RTKN: variants seen among roughly 807,000 people sequenced by gnomAD.
The protein encoded by RTKN is rhotekin.
In RTKN, 49 loss-of-function variants were observed where a neutral mutation model predicts 63.5. The ratio of observed to expected loss-of-function variants is 0.77; its 90% confidence interval spans 0.61 to 0.98. RTKN has a LOEUF of 0.98. RTKN is among the 50% of genes least tolerant of loss of function. The probability of loss-of-function intolerance (pLI) is 0.00; values close to 1 mark genes in which losing one functional copy is unlikely to be tolerated. For missense variants in RTKN, 685 were observed against 740.8 expected (o/e 0.92, Z 0.87); for synonymous variants, 295 against 290.4 (o/e 1.02, Z -0.16).
rs1484465977 is a variant in RTKN, at chr2:74,436,571, C to T, written c.112-3905G>A. ...GCTCCGGGAGGCCCCTCCCGCGTAG[C>T]GTTTGCCCTCCAAGGTGACCCCTTG... On this transcript the variant is annotated intron_variant, in intron 1 of 11. Coordinates refer to ENST00000272430, the MANE Select transcript of RTKN (RefSeq NM_001015055.2). This position sits in a 1 kb window ranked among gnomAD's most constrained non-coding sequence, Gnocchi z 4.3. Among the ~76,000 whole-genome samples the T allele has an allele frequency of 1.2e-3, 180 of 152,252 alleles. No homozygotes were observed. The highest frequency in any genetic ancestry group is 5.9e-5 in the Non-Finnish European group (4 of 68,000).
At chr2:74,439,486 C>T (rs1370243006) in intron 1 of RTKN, 4 of 1,557,946 alleles carry the variant, frequency 2.6e-6, no homozygotes, top group Admixed American at 3.4e-5. Flanking sequence ...CAGGAATGGG[C>T]AGGGCAGAGA....
intron 5 of RTKN, 74 bp downstream of exon 5, chr2:74,430,178 C>G: frequency 6.5e-7 from 1 of 1,539,544 alleles, no homozygotes; most frequent in African/African-American, 1.4e-5. Flanking sequence ...ATCCCAGCTT[C>G]CTCCCCTGGA....
rs767781101 is a variant in RTKN, at chr2:74,426,574, G to T, written c.1361C>A (p.Ala454Asp). Residue 454 changes from alanine (A) to aspartate (D), a missense_variant and splice_region_variant, in exon 12 of 12, where the codon GCT becomes GAT. Transcript: ENST00000272430. ...AKQGSLYHEM[A>D]IEPLDDIAAV... Reference sequence around the variant, plus strand: ...TGCGATGTCATCCAGCGGCTCAATAGCTGTGGCACCAGGAAGGGGTTGGGG... The same window carrying T: ...TGCGATGTCATCCAGCGGCTCAATATCTGTGGCACCAGGAAGGGGTTGGGG... 1 of 1,525,288 alleles carries T rather than the reference G, an allele frequency of 6.6e-7. No homozygotes were observed. The highest frequency in any genetic ancestry group is 8.8e-7 in the Non-Finnish European group (1 of 1,134,592). The allele number at this position is 1,525,288 out of a possible 1,614,324, so 94.5% of individuals were successfully genotyped here. A position where few individuals can be genotyped will look rare whatever the true frequency, so the allele number is the denominator to read the frequency against.
rs1245972904 is a variant in RTKN at position 74,428,893 on chromosome 2, C to G, written c.805G>C (p.Val269Leu). 1 of 1,614,182 alleles carries G rather than the reference C, an allele frequency of 6.2e-7. No individual in the cohort carries two copies. The highest frequency in any genetic ancestry group is 8.5e-7 in the Non-Finnish European group (1 of 1,180,044). ...TCATGTGTGCGGAATCCATCTTGCA[C>G]TGCTGCCAGGGTGAGTGTGGTGTGA... ...LAHTTLTLAAVQDGFRTHDLT... is the reference protein window; with the variant it reads ...LAHTTLTLAALQDGFRTHDLT... The change falls in exon 7 of 12, where the codon GTG becomes CTG. Residue 269 changes from valine (V) to leucine (L), a missense_variant. By Grantham distance (32) the Val-to-Leu change is conservative (BLOSUM62 1). Transcript: ENST00000272430.
intron 1 of RTKN, chr2:74,440,405 T>C (rs1671300150): frequency 1.0e-6 from 1 of 986,540 alleles, no homozygotes; most frequent in Non-Finnish European, 1.2e-6. Context: ...GGGGTGTGCC[T>C]GTCTGCTGCT....
rs759312712 is a variant in RTKN at position 74,428,696 on chromosome 2, AAC to A, written c.890_891del (p.Cys297LeufsTer49). On this transcript the variant is annotated frameshift_variant, in exon 8 of 12. Coordinates refer to ENST00000272430, the MANE Select transcript of RTKN (RefSeq NM_001015055.2). LOFTEE classifies it high-confidence loss of function. ...CAGAGAGGCTGAGCTGCCAGACGGCAACACACGCTACCATAAAGGGGCAGCCA... is the reference window on the plus strand; with the variant it reads ...CAGAGAGGCTGAGCTGCCAGACGGCAACACGCTACCATAAAGGGGCAGCCA... ...PAWLPLYGSV[C>X]CRLAAQPLCM... is the part of the protein sequence containing the mutation. 2 of 1,614,014 alleles carry A rather than the reference AAC, an allele frequency of 1.2e-6. No homozygotes were observed. Among genetic ancestry groups the A allele is most frequent in the African/African-American group, 2.7e-5 (2 of 75,012 alleles).
intron 2 of RTKN, 21 bp downstream of exon 2, chr2:74,432,446 C>T (rs1305632678): frequency 3.7e-6 from 6 of 1,603,318 alleles, no homozygotes; most frequent in Middle Eastern, 3.3e-4. Flanking sequence ...TCCATCGAGG[C>T]CTCGTCTCCC....
At position 74,426,089 on chromosome 2, in the gene RTKN, G is replaced by T; in HGVS notation, c.*154C>A. On this transcript the variant is annotated 3_prime_UTR_variant, in exon 12 of 12. Coordinates refer to ENST00000272430, the MANE Select transcript of RTKN (RefSeq NM_001015055.2). ...TACCATGGCAACCACAATTTAAGAG[G>T]GGCTTCTGCCCACCCCTGCAGCCTA... 1.3e-6 allele frequency: 1 copy of T among 745,066 alleles called. No homozygotes were observed. Among genetic ancestry groups the T allele is most frequent in the Non-Finnish European group, 2.3e-6 (1 of 443,500 alleles). 46.2% of individuals were successfully genotyped at this position (745,066 alleles called of 1,614,324 possible). A position where few individuals can be genotyped will look rare whatever the true frequency, so the allele number is the denominator to read the frequency against.
In RTKN at chr2:74,427,190, C is replaced by T; in HGVS notation, c.1339G>A (p.Gly447Arg). ...RKPPQALAKQ[G>R]SLYHEMAIEP... is the part of the protein sequence containing the mutation. ...TTACCCATCTCATGGTACAAGGACC[C>T]CTGCTTTGCCAGTGCTTGGGGTGGT... The change falls in exon 11 of 12, where the codon GGG (glycine) becomes AGG (arginine). Residue 447 changes from glycine (G) to arginine (R), a missense_variant. Coordinates refer to ENST00000272430, the MANE Select transcript of RTKN (RefSeq NM_001015055.2). The T allele has an allele frequency of 1.2e-6, 2 of 1,614,080 alleles. No individual in the cohort carries two copies. The highest frequency in any genetic ancestry group is 1.7e-6 in the Non-Finnish European group (2 of 1,179,986).
chr2:74,428,344 G>C lies in RTKN; in HGVS notation c.1010C>G (p.Thr337Arg). 1.2e-6 allele frequency: 2 copies of C among 1,614,152 alleles called. No homozygotes were observed. Among genetic ancestry groups the C allele is most frequent in the Non-Finnish European group, 8.5e-7 (1 of 1,180,000 alleles). ...AGGTTGCCGGTAACAGAAGAGGTTT[G>C]TGCCTTTCAGAACTCCATGCACTTG... ...WAQVHGVLKG[T>R]NLFCYRQPED... Residue 337 changes from threonine (T) to arginine (R), a missense_variant, in exon 9 of 12, where the codon ACA (threonine) becomes AGA (arginine). By Grantham distance (71) the Thr-to-Arg change is moderately conservative (BLOSUM62 -1). Coordinates refer to ENST00000272430, the MANE Select transcript of RTKN (RefSeq NM_001015055.2).
Position 74,426,100 on chromosome 2 carries a change from C to G in RTKN, c.*143G>C, listed in dbSNP as rs1210716962. 2.6e-6 allele frequency: 2 copies of G among 783,312 alleles called. No individual in the cohort carries two copies. Among genetic ancestry groups the G allele is most frequent in the African/African-American group, 3.5e-5 (2 of 57,820 alleles). The allele number at this position is 783,312 out of a possible 1,614,324, so 48.5% of individuals were successfully genotyped here. A position where few individuals can be genotyped will look rare whatever the true frequency, so the allele number is the denominator to read the frequency against. ...CCACAATTTAAGAGGGGCTTCTGCC[C>G]ACCCCTGCAGCCTACCCCAGGTCCA... is the stretch of plus-strand genomic sequence containing the variant. On this transcript the variant is annotated 3_prime_UTR_variant, in exon 12 of 12. Transcript: ENST00000272430.
At chr2:74,433,883 T>C (rs1164478949) in intron 1 of RTKN, among the ~76,000 whole-genome samples, 1 of 152,162 alleles carries the variant, frequency 6.6e-6, no homozygotes, top group Non-Finnish European at 1.5e-5. Context: ...CCCTGTAGTA[T>C]TGCAGACATT....
intron 1 of RTKN, among the ~76,000 whole-genome samples, chr2:74,438,942 A>G (rs374652496): frequency 4.9e-4 from 74 of 152,326 alleles, no homozygotes; most frequent in Non-Finnish European, 8.4e-4. Context: ...GAGGTATCCT[A>G]TGGTCGAAAA....
rs1324447901 is a variant in RTKN at position 74,430,535 on chromosome 2, T to C, written c.374-17A>G. 1.2e-6 allele frequency: 2 copies of C among 1,613,756 alleles called. No individual in the cohort carries two copies. The highest frequency in any genetic ancestry group is 2.2e-5 in the East Asian group (1 of 44,862). On this transcript the variant is annotated splice_polypyrimidine_tract_variant and intron_variant, in intron 3 of 11. Transcript: ENST00000272430. The stretch of plus-strand genomic sequence containing the variant: ...TCCGGAGGTCTAAGGGGCAGAGGGG[T>C]AAGAATAGATGTTGAGATGGGGCAG...
chr2:74,427,662 G>A lies in RTKN; in HGVS notation c.1087-70C>T, dbSNP rs116143329. ...GTGACAATCAGGCAGCCTTGATCAC[G>A]CCTGCCTTAGAAGAATGAGCTTGTG... On this transcript the variant is annotated intron_variant, in intron 9 of 11. Coordinates refer to ENST00000272430, the MANE Select transcript of RTKN (RefSeq NM_001015055.2). The A allele has an allele frequency of 2.6e-4, 391 of 1,495,946 alleles. 1 individual carries two copies. In the African/African-American group the frequency reaches 4.5e-3, roughly 17 times the overall value. 92.7% of individuals were successfully genotyped at this position (1,495,946 alleles called of 1,614,324 possible).
At chr2:74,432,432 TGCCTCCATCGAG>T (rs1454222845) in intron 2 of RTKN, 23 bp downstream of exon 2, 15 of 1,590,640 alleles carry the variant, frequency 9.4e-6, no homozygotes, top group Non-Finnish European at 1.1e-5. Flanking sequence ...GAAGGCCTCC[TGCCTCCATCGAG>T]GCCTCGTCTC....
At chr2:74,438,162 C>G (rs1330756627) in intron 1 of RTKN, among the ~76,000 whole-genome samples, 1 of 152,136 alleles carries the variant, frequency 6.6e-6, no homozygotes, top group Non-Finnish European at 1.5e-5. Flanking sequence ...CTGGTCCAGG[C>G]AGTCACTTCC....
At chr2:74,426,753 G>C (rs1670419382) in intron 11 of RTKN, 179 bp from the exon 12 acceptor site, 1 of 1,378,928 alleles carries the variant, frequency 7.3e-7, no homozygotes, top group Non-Finnish European at 9.3e-7. Context: ...TACAGGCTCT[G>C]ATAAGACTGT....
chr2:74,431,961 C>T lies in RTKN; in HGVS notation c.311+506G>A, dbSNP rs138387008. On this transcript the variant is annotated intron_variant, in intron 2 of 11. Transcript: ENST00000272430. ...TAATGTCAGTGTTGCTTACATTTTA[C>T]ATCCAGAAGCTGAGCCCTTTTAGAA... 1.1e-4 allele frequency: 23 copies of T among 216,094 alleles called. No homozygotes were observed. In the East Asian group the frequency reaches 2.0e-3, roughly 19 times the overall value. 13.4% of individuals were successfully genotyped at this position (216,094 alleles called of 1,614,324 possible). A position where few individuals can be genotyped will look rare whatever the true frequency, so the allele number is the denominator to read the frequency against.
Sources: allele counts gnomAD v4.1 joint callset (sites outside exome capture counted in the v4.1 genomes callset), GRCh38; gene constraint gnomAD v4.1.1; non-coding constraint Gnocchi (gnomAD v3.1); transcripts MANE v1.5; gene names NCBI Gene and HGNC (gene_info 2026-07-23, HGNC 2026-07-21).